PDE11A: variants seen among roughly 807,000 people sequenced by gnomAD.
The protein encoded by PDE11A is dual 3',5'-cyclic-AMP and -GMP phosphodiesterase 11A.
PDE11A carries 100 observed loss-of-function variants against 100.5 expected under a neutral mutation model. That is an observed-to-expected ratio of 1.00 (90% CI 0.85 to 1.18). The LOEUF (loss-of-function observed/expected upper bound fraction) is 1.18, where lower values mean the gene tolerates loss of function less well. PDE11A is among the 50% of genes most tolerant of loss of function. The probability of loss-of-function intolerance (pLI) is 0.00; values close to 1 mark genes in which losing one functional copy is unlikely to be tolerated. For missense variants in PDE11A, 1,141 were observed against 1,152.6 expected, an observed-to-expected ratio of 0.99 and a Z score of 0.15; for synonymous variants, 381 against 420.8, an observed-to-expected ratio of 0.91 and a Z score of 1.16.
At chr2:177,835,785 C>T (rs899259797) in intron 6 of PDE11A, among the ~76,000 whole-genome samples, 4 of 152,170 alleles carry the variant, frequency 2.6e-5, no homozygotes, top group Admixed American at 6.5e-5. Context: ...CTGGTGCCGC[C>T]GGCCCTGGGC....
At chr2:177,777,633 A>T (rs1217948827) in intron 9 of PDE11A, among the ~76,000 whole-genome samples, 2 of 152,218 alleles carry the variant, frequency 1.3e-5, no homozygotes, top group African/African-American at 4.8e-5. Context: ...AATACCTTTG[A>T]TCAAGTAAAA....
chr2:177,912,678 G>C (rs2084899876), intron 2 of PDE11A, among the ~76,000 whole-genome samples: 1 of 151,252 alleles, frequency 6.6e-6, no homozygotes. Context: ...TTTTTTTTCT[G>C]ATCATAGATT....
intron 10 of PDE11A, among the ~76,000 whole-genome samples, chr2:177,757,526 C>T (rs2082106559): frequency 6.6e-6 from 1 of 152,176 alleles, no homozygotes; most frequent in South Asian, 2.1e-4. Context: ...TCATGTTATC[C>T]TACAGAAAGC....
At position 177,623,471 on chromosome 2, in the gene PDE11A, G is replaced by A. The variant is rs1249903941; in HGVS notation, c.*5936C>T. The A allele has an allele frequency of 6.6e-6, 1 of 152,208 alleles. No individual in the cohort carries two copies. Among genetic ancestry groups the A allele is most frequent in the East Asian group, 1.9e-4 (1 of 5,198 alleles). 9.4% of individuals were successfully genotyped at this position (152,208 alleles called of 1,614,324 possible). On this transcript the variant is annotated 3_prime_UTR_variant, in exon 20 of 20. Coordinates refer to ENST00000286063, the MANE Select transcript of PDE11A (RefSeq NM_016953.4). ...GTGTAAAACAATAATAATTAGGAAG[G>A]AAGTCAGTAGGAGATCCTTTTTAGG...
intron 2 of PDE11A, among the ~76,000 whole-genome samples, chr2:177,915,076 G>A (rs1435172145): frequency 6.6e-6 from 1 of 152,084 alleles, no homozygotes; most frequent in African/African-American, 2.4e-5. Context: ...TTACAGAAAA[G>A]TTAAGTGGAA....
intron 15 of PDE11A, among the ~76,000 whole-genome samples, chr2:177,688,539 C>A (rs562117028): frequency 2.0e-5 from 3 of 152,124 alleles, no homozygotes; most frequent in African/African-American, 7.2e-5. Context: ...ATACCCAATA[C>A]CCGCTGGATC....
intron 5 of PDE11A, among the ~76,000 whole-genome samples, chr2:177,866,814 T>C (rs573370942): frequency 1.3e-5 from 2 of 152,326 alleles, no homozygotes; most frequent in East Asian, 3.9e-4. Context: ...GAAATACCAG[T>C]TTCATACAAT....
intron 4 of PDE11A, among the ~76,000 whole-genome samples, chr2:177,889,392 A>G (rs1049850063): frequency 2.0e-5 from 3 of 152,194 alleles, no homozygotes; most frequent in Admixed American, 1.3e-4. Flanking sequence ...AGCAGTCGGT[A>G]TCAGTTTTGC....
chr2:178,073,130 T>C, upstream of PDE11A: 1 of 930,732 alleles, frequency 1.1e-6, no homozygotes, highest in Non-Finnish European at 1.3e-6. Flanking sequence ...AGTGTTGATG[T>C]TTTGCAGGGA....
chr2:178,001,110 GT>G, intron 2 of PDE11A, among the ~76,000 whole-genome samples: 1 of 152,278 alleles, frequency 6.6e-6, no homozygotes, highest in South Asian at 2.1e-4. Flanking sequence ...CAGTGTTGTT[GT>G]GAGGATTAAA....
rs938123128 is a variant in PDE11A, at chr2:177,730,060, T to C, written c.1789-1888A>G. ...CCCTCTGCATTTTGATTTTTTGTTG[T>C]CACTTTAAATCTTTTTTAAAAATTT... On this transcript the variant is annotated intron_variant, in intron 10 of 19. Transcript: ENST00000286063. 3.3e-5 allele frequency among the ~76,000 whole-genome samples: 5 copies of C among 152,196 alleles called. No individual in the cohort carries two copies. The South Asian group carries it at 1.0e-3, about 31-fold the overall frequency.
chr2:177,710,165 G>A (rs1336431107), intron 13 of PDE11A, among the ~76,000 whole-genome samples: 2 of 152,058 alleles, frequency 1.3e-5, no homozygotes, highest in Non-Finnish European at 2.9e-5. Context: ...AGCAAGGAAG[G>A]GTCCAAGGCA....
At chr2:177,873,568 T>A (rs377031785) in intron 5 of PDE11A, among the ~76,000 whole-genome samples, 41 of 152,322 alleles carry the variant, frequency 2.7e-4, no homozygotes, top group African/African-American at 8.9e-4. Flanking sequence ...CACCCTTTTT[T>A]AGGTAAATTT....
chr2:178,081,955 T>C (rs1371101087), intron 2 of PDE11A, among the ~76,000 whole-genome samples: 3 of 152,256 alleles, frequency 2.0e-5, no homozygotes, highest in Non-Finnish European at 4.4e-5. Flanking sequence ...TTTTCTCATT[T>C]AGATTTCCAA....
chr2:177,830,211 C>T (rs535290769), intron 6 of PDE11A, among the ~76,000 whole-genome samples: 3 of 152,312 alleles, frequency 2.0e-5, no homozygotes, highest in African/African-American at 7.2e-5. Flanking sequence ...TTCCACACGG[C>T]CAATATCTTA....
chr2:178,067,573 G>A (rs1461688008), intron 1 of PDE11A, among the ~76,000 whole-genome samples: 1 of 152,010 alleles, frequency 6.6e-6, no homozygotes, highest in Non-Finnish European at 1.5e-5. Flanking sequence ...ATCTCTAACT[G>A]GAAAATCTAA....
At chr2:178,007,575 G>A (rs527266763) in intron 2 of PDE11A, among the ~76,000 whole-genome samples, 20 of 152,052 alleles carry the variant, frequency 1.3e-4, no homozygotes, top group African/African-American at 4.8e-4. Context: ...ATGAGTTATG[G>A]GATTCAATCC....
chr2:177,811,413 T>C (rs1198333646), intron 9 of PDE11A, among the ~76,000 whole-genome samples: 1 of 151,878 alleles, frequency 6.6e-6, no homozygotes, highest in Non-Finnish European at 1.5e-5. Flanking sequence ...ACAAAGGATT[T>C]TAACAATAGA....
chr2:177,742,996 T>C (rs1311252537), intron 10 of PDE11A, among the ~76,000 whole-genome samples: 1 of 152,214 alleles, frequency 6.6e-6, no homozygotes, highest in Non-Finnish European at 1.5e-5. Context: ...TATCAGCTGC[T>C]TTTCCTACTC....
Sources: gnomAD v4.1 joint callset for allele counts (sites outside exome capture counted in the v4.1 genomes callset) on GRCh38, gnomAD v4.1.1 for gene constraint, MANE v1.5 for transcripts, NCBI Gene and HGNC (gene_info 2026-07-23, HGNC 2026-07-21) for gene names.